Variants in MAP2K4 observed in about 807,000 individuals in gnomAD.
MAP2K4 encodes the protein mitogen-activated protein kinase kinase 4.
MAP2K4 carries 4 observed loss-of-function variants against 48.5 expected under a neutral mutation model. The observed-to-expected ratio is 0.08, with a 90% CI of 0.04 to 0.19. The LOEUF (loss-of-function observed/expected upper bound fraction) is 0.19, where lower values mean the gene tolerates loss of function less well. MAP2K4 is among the 10% of genes least tolerant of loss of function. The pLI is 1.00. For synonymous variants in MAP2K4, 166 were observed against 173.1 expected (o/e 0.96, Z 0.32); for missense variants, 258 against 493.3 (o/e 0.52, Z 4.52).
chr17:12,095,471 T>A, intron 3 of MAP2K4, 104 bp from the exon 4 acceptor site: 1 of 1,253,434 alleles, frequency 8.0e-7, no homozygotes, highest in South Asian at 1.2e-5. Context: ...AGTTTGGTAA[T>A]TTTTAGTCTC....
chr17:12,068,885 A>G (rs1009824447), intron 2 of MAP2K4, among the ~76,000 whole-genome samples: 2 of 152,108 alleles, frequency 1.3e-5, no homozygotes, highest in Non-Finnish European at 2.9e-5. Context: ...ATTGGAGATA[A>G]AAAGTTGAAA....
chr17:12,063,098 T>C (rs1289994548), intron 2 of MAP2K4, among the ~76,000 whole-genome samples: 5 of 152,188 alleles, frequency 3.3e-5, no homozygotes, highest in African/African-American at 9.7e-5. Flanking sequence ...CATCAGACTT[T>C]TAAAATATGT....
intron 1 of MAP2K4, among the ~76,000 whole-genome samples, chr17:12,024,152 G>A (rs976131320): frequency 2.0e-5 from 3 of 151,960 alleles, no homozygotes; most frequent in Admixed American, 6.5e-5. Flanking sequence ...TTCAAACTCC[G>A]GATCTGTTTT....
At chr17:12,104,971 C>T (rs900977350) in intron 4 of MAP2K4, among the ~76,000 whole-genome samples, 8 of 152,150 alleles carry the variant, frequency 5.3e-5, no homozygotes, top group African/African-American at 9.7e-5. Context: ...GTCCCAGCAG[C>T]ATTCATTGAA....
chr17:12,088,704 G>T (rs983400544), intron 3 of MAP2K4, among the ~76,000 whole-genome samples: 4 of 148,888 alleles, frequency 2.7e-5, no homozygotes, highest in African/African-American at 9.9e-5. Context: ...TGGAGAGGAG[G>T]TCCCATGTGC....
intron 1 of MAP2K4, among the ~76,000 whole-genome samples, chr17:12,029,655 T>A (rs572129977): frequency 6.6e-6 from 1 of 152,222 alleles, no homozygotes; most frequent in East Asian, 1.9e-4. Context: ...ATTGAACATA[T>A]TGGCCAGGTG....
chr17:12,124,387 G>A (rs1462765152), intron 7 of MAP2K4: 4 of 152,104 alleles, frequency 2.6e-5, no homozygotes, highest in Admixed American at 1.3e-4. Context: ...GATTTCTGCG[G>A]TACATAGGAT....
At chr17:12,079,641 T>G (rs974386621) in intron 2 of MAP2K4, among the ~76,000 whole-genome samples, 56 of 152,336 alleles carry the variant, frequency 3.7e-4, no homozygotes, top group African/African-American at 1.3e-3. Context: ...TTAATTAACT[T>G]TTTTTCAGCT....
chr17:12,129,310 G>T (rs1398790185), intron 9 of MAP2K4, 23 bp downstream of exon 9: 2 of 1,613,992 alleles, frequency 1.2e-6, no homozygotes, highest in African/African-American at 2.7e-5. Flanking sequence ...TTTATGAATG[G>T]TCGAACACGC....
intron 2 of MAP2K4, among the ~76,000 whole-genome samples, chr17:12,063,749 G>A (rs28921674): frequency 0.015 from 2,284 of 152,012 alleles, 29 homozygotes; most frequent in Non-Finnish European, 0.022. Context: ...GAGGCAGGCG[G>A]GTCACTTGAG....
intron 9 of MAP2K4, among the ~76,000 whole-genome samples, chr17:12,130,967 A>G (rs1973002798): frequency 6.6e-6 from 1 of 152,182 alleles, no homozygotes; most frequent in Non-Finnish European, 1.5e-5. Context: ...GCAGGGTGAT[A>G]TTGACCCTAA....
At chr17:12,087,094 G>A (rs983323499) in intron 3 of MAP2K4, among the ~76,000 whole-genome samples, 2 of 152,038 alleles carry the variant, frequency 1.3e-5, no homozygotes, top group African/African-American at 4.8e-5. Context: ...TGATCTGCCC[G>A]CCTCAGCCTC....
chr17:12,061,393 A>C (rs1356267049), intron 2 of MAP2K4, among the ~76,000 whole-genome samples: 1 of 152,174 alleles, frequency 6.6e-6, no homozygotes, highest in Non-Finnish European at 1.5e-5. Context: ...AGGCTGTGGT[A>C]CACTTCCATA....
At chr17:12,042,293 C>T (rs1252034627) in intron 1 of MAP2K4, among the ~76,000 whole-genome samples, 4 of 151,556 alleles carry the variant, frequency 2.6e-5, no homozygotes, top group Non-Finnish European at 5.9e-5. Context: ...TTTGCCTTTC[C>T]GGATTCTTAA....
intron 1 of MAP2K4, among the ~76,000 whole-genome samples, chr17:12,042,167 CAAA>C (rs71142262): frequency 1.8e-5 from 1 of 55,382 alleles, no homozygotes; most frequent in Admixed American, 2.7e-4. Context: ...AACTTTGTCT[CAAA>C]AAAAAAAAAA....
chr17:12,032,208 C>T (rs28918086), intron 1 of MAP2K4: 44 of 887,030 alleles, frequency 5.0e-5, no homozygotes, highest in Non-Finnish European at 5.9e-5. Context: ...TGTCATGTTC[C>T]AATTTTGGTT....
intron 7 of MAP2K4, chr17:12,124,192 C>T (rs1156549533): frequency 1.3e-5 from 2 of 152,138 alleles, no homozygotes; most frequent in Non-Finnish European, 2.9e-5. Flanking sequence ...GTAATACAGT[C>T]AACTATTATG....
chr17:12,050,420 G>T (rs1161674774), intron 1 of MAP2K4, among the ~76,000 whole-genome samples: 2 of 152,142 alleles, frequency 1.3e-5, no homozygotes, highest in Non-Finnish European at 2.9e-5. Flanking sequence ...TGAGAGGATG[G>T]TAAGGTGAGC....
chr17:12,044,874 T>C (rs1329150046), intron 1 of MAP2K4, among the ~76,000 whole-genome samples: 1 of 152,242 alleles, frequency 6.6e-6, no homozygotes, highest in Non-Finnish European at 1.5e-5. Flanking sequence ...GTCTTTCTGG[T>C]CACCAGCCCT....
Sources: allele counts gnomAD v4.1 joint callset (sites outside exome capture counted in the v4.1 genomes callset), GRCh38; gene constraint gnomAD v4.1.1; transcripts MANE v1.5; gene names NCBI Gene and HGNC (gene_info 2026-07-23, HGNC 2026-07-21).